CACNA2D1: variants seen among roughly 807,000 people sequenced by gnomAD.
CACNA2D1 encodes the protein voltage-dependent calcium channel subunit alpha-2/delta-1.
In CACNA2D1, 53 loss-of-function variants were observed where a neutral mutation model predicts 171.5. The ratio of observed to expected loss-of-function variants is 0.31; its 90% confidence interval spans 0.25 to 0.39. The LOEUF (loss-of-function observed/expected upper bound fraction) is 0.39, where lower values mean the gene tolerates loss of function less well. CACNA2D1 is among the 10% of genes least tolerant of loss of function. The pLI is 1.00. For missense variants in CACNA2D1, 903 were observed against 1,299.8 expected (o/e 0.69, Z 4.69); for synonymous variants, 442 against 443.1 (o/e 1.00, Z 0.03).
intron 1 of CACNA2D1, among the ~76,000 whole-genome samples, chr7:82,429,314 T>A (rs1829471139): frequency 6.6e-6 from 1 of 152,192 alleles, no homozygotes; most frequent in African/African-American, 2.4e-5. Flanking sequence ...ACACATCATA[T>A]AAATATGTAC....
At chr7:82,143,060 G>A (rs913174085) in intron 4 of CACNA2D1, among the ~76,000 whole-genome samples, 5 of 152,078 alleles carry the variant, frequency 3.3e-5, no homozygotes, top group African/African-American at 1.2e-4. Flanking sequence ...TCAGTGGTGA[G>A]GGGGGATATG....
chr7:81,990,883 AAAC>A (rs1314573296), intron 21 of CACNA2D1, among the ~76,000 whole-genome samples: 2 of 152,236 alleles, frequency 1.3e-5, no homozygotes, highest in African/African-American at 2.4e-5. Flanking sequence ...AATGTAAACT[AAAC>A]AACAACTAAA....
chr7:82,270,328 T>A (rs1235623074), intron 3 of CACNA2D1, among the ~76,000 whole-genome samples: 1 of 152,188 alleles, frequency 6.6e-6, no homozygotes, highest in Non-Finnish European at 1.5e-5. Flanking sequence ...TTACTTCATA[T>A]ATATTGAATC....
intron 1 of CACNA2D1, among the ~76,000 whole-genome samples, chr7:82,428,161 CT>C (rs1829359635): frequency 1.3e-5 from 2 of 151,682 alleles, no homozygotes; most frequent in East Asian, 3.9e-4. Flanking sequence ...TATATGATCA[CT>C]TTTTAGAATT....
intron 4 of CACNA2D1, among the ~76,000 whole-genome samples, chr7:82,150,274 AACAACAAC>A (rs757956848): frequency 0.013 from 992 of 76,492 alleles, 82 homozygotes; most frequent in African/African-American, 0.057. Flanking sequence ...AAAAAACAAA[AACAACAAC>A]AAAAAAAAAC....
At chr7:82,216,907 A>AG (rs1801171077) in intron 3 of CACNA2D1, among the ~76,000 whole-genome samples, 2 of 151,196 alleles carry the variant, frequency 1.3e-5, no homozygotes, top group South Asian at 4.2e-4. Context: ...AAAAAAAAAA[A>AG]AGAAAGCTGG....
chr7:81,971,770 T>G lies in CACNA2D1; in HGVS notation c.2141+7A>C. The stretch of plus-strand genomic sequence containing the variant: ...ACATATTTTTATTAATAAGAACAAA[T>G]ACTTACATATTTTTCTGCTTACTCC... On this transcript the variant is annotated splice_region_variant and intron_variant, in intron 26 of 38. Coordinates refer to ENST00000356860, the MANE Select transcript of CACNA2D1 (RefSeq NM_000722.4). 1 of 1,483,810 alleles carries G rather than the reference T, an allele frequency of 6.7e-7. No individual in the cohort carries two copies. Among genetic ancestry groups the G allele is most frequent in the East Asian group, 2.3e-5 (1 of 43,998 alleles). 91.9% of individuals were successfully genotyped at this position (1,483,810 alleles called of 1,614,324 possible).
chr7:82,322,032 A>T (rs375110593), intron 3 of CACNA2D1, among the ~76,000 whole-genome samples: 1,544 of 138,176 alleles, frequency 0.011, 24 homozygotes, highest in African/African-American at 0.038. Context: ...AGGCTGAGGC[A>T]GGAGAATGGC....
chr7:82,066,635 A>C, intron 7 of CACNA2D1, 111 bp from the exon 8 acceptor site: 1 of 1,423,146 alleles, frequency 7.0e-7, no homozygotes, highest in Non-Finnish European at 9.4e-7. Context: ...TCACTTACGT[A>C]CTTCAATGTT....
intron 10 of CACNA2D1, among the ~76,000 whole-genome samples, chr7:82,058,512 CTTAT>C: frequency 6.6e-6 from 1 of 152,218 alleles, no homozygotes; most frequent in African/African-American, 2.4e-5. Context: ...TCCTGATGAT[CTTAT>C]TTGAGAGATC....
chr7:82,347,077 TA>T (rs1819340444), intron 2 of CACNA2D1, among the ~76,000 whole-genome samples: 1 of 152,164 alleles, frequency 6.6e-6, no homozygotes, highest in Non-Finnish European at 1.5e-5. Context: ...CTTAAAAGTC[TA>T]ATGCATCAGG....
At chr7:82,349,685 C>A in intron 1 of CACNA2D1, 36 bp from the exon 2 acceptor site, 1 of 1,493,870 alleles carries the variant, frequency 6.7e-7, no homozygotes. Flanking sequence ...TCTATCAGAT[C>A]TCTGGCAAAT....
chr7:82,118,828 C>A (rs1789381522), intron 5 of CACNA2D1, among the ~76,000 whole-genome samples: 1 of 151,914 alleles, frequency 6.6e-6, no homozygotes, highest in South Asian at 2.1e-4. Flanking sequence ...AATTGTTAAA[C>A]ATATTTTAAA....
At chr7:81,986,162 G>T (rs892878653) in intron 21 of CACNA2D1, among the ~76,000 whole-genome samples, 1 of 152,074 alleles carries the variant, frequency 6.6e-6, no homozygotes, top group Admixed American at 6.6e-5. Context: ...TTTGAATATA[G>T]AAGAAAACTT....
At chr7:82,340,507 T>C (rs1183434355) in intron 2 of CACNA2D1, among the ~76,000 whole-genome samples, 1 of 127,782 alleles carries the variant, frequency 7.8e-6, no homozygotes, top group Admixed American at 7.2e-5. Flanking sequence ...TAATAAACTT[T>C]CTGAGTGATT....
chr7:82,261,450 C>T (rs1807090235), intron 3 of CACNA2D1, among the ~76,000 whole-genome samples: 1 of 152,102 alleles, frequency 6.6e-6, no homozygotes, highest in Non-Finnish European at 1.5e-5. Flanking sequence ...ATGGTATTTC[C>T]ATTTTAGTAA....
intron 1 of CACNA2D1, among the ~76,000 whole-genome samples, chr7:82,377,204 A>G (rs936555016): frequency 2.0e-5 from 3 of 152,224 alleles, no homozygotes; most frequent in Non-Finnish European, 1.5e-5. Context: ...TCAGCTTTTA[A>G]AATCTAACAT....
intron 6 of CACNA2D1, among the ~76,000 whole-genome samples, chr7:82,102,054 T>C (rs576133313): frequency 3.3e-5 from 5 of 152,106 alleles, no homozygotes; most frequent in Non-Finnish European, 7.4e-5. Context: ...CTAAAATCAA[T>C]TTCTCCTCCA....
At chr7:82,107,969 G>GA (rs2129044514) in intron 6 of CACNA2D1, among the ~76,000 whole-genome samples, 1 of 152,164 alleles carries the variant, frequency 6.6e-6, no homozygotes, top group African/African-American at 2.4e-5. Flanking sequence ...GAATCTCCAG[G>GA]AAAGTCATCC....
Sources: gnomAD v4.1 joint callset for allele counts (sites outside exome capture counted in the v4.1 genomes callset) on GRCh38, gnomAD v4.1.1 for gene constraint, MANE v1.5 for transcripts, NCBI Gene and HGNC (gene_info 2026-07-23, HGNC 2026-07-21) for gene names.